SLC39A9: variants seen among roughly 807,000 people sequenced by gnomAD.
SLC39A9 encodes solute carrier family 39 member 9.
SLC39A9 carries 14 observed loss-of-function variants against 28.4 expected under a neutral mutation model. That is an observed-to-expected ratio of 0.49 (90% CI 0.33 to 0.77). The LOEUF (loss-of-function observed/expected upper bound fraction) is 0.77, where lower values mean the gene tolerates loss of function less well. SLC39A9 is among the 30% of genes least tolerant of loss of function. The pLI, the probability that SLC39A9 is intolerant of heterozygous loss-of-function variation, is 0.02. For missense variants in SLC39A9, 283 were observed against 381.1 expected (o/e 0.74, Z 2.14); for synonymous variants, 119 against 149.6 (o/e 0.80, Z 1.49).
At chr14:69,411,842 G>A (rs1883281923) in intron 1 of SLC39A9, among the ~76,000 whole-genome samples, 1 of 151,246 alleles carries the variant, frequency 6.6e-6, no homozygotes, top group Non-Finnish European at 1.5e-5. Flanking sequence ...GAGTGCAGTG[G>A]CGGGATCTCG....
At chr14:69,424,051 A>C (rs1884050777) in intron 1 of SLC39A9, 43 bp from the exon 2 acceptor site, 1 of 1,475,630 alleles carries the variant, frequency 6.8e-7, no homozygotes, top group South Asian at 1.1e-5. Flanking sequence ...TTTTCCCATT[A>C]ATTAATCAAA....
chr14:69,448,214 CAA>C (rs34195562), intron 3 of SLC39A9, among the ~76,000 whole-genome samples: 4 of 87,228 alleles, frequency 4.6e-5, no homozygotes, highest in Non-Finnish European at 8.2e-5. Flanking sequence ...GACTCTGTCT[CAA>C]AAAAAAAAAA....
rs1180234748 is a variant in SLC39A9 at position 69,460,554 on chromosome 14, G to C, written c.*1961G>C. ...AATAAATAGCAGATTGTAGTGTCTGGTTTGGTTTGGACAGTAGTGCTTTCT... is the reference window on the plus strand; with the variant it reads ...AATAAATAGCAGATTGTAGTGTCTGCTTTGGTTTGGACAGTAGTGCTTTCT... On this transcript the variant is annotated 3_prime_UTR_variant, in exon 7 of 7. Coordinates refer to ENST00000336643, the MANE Select transcript of SLC39A9 (RefSeq NM_018375.5). 1.0e-5 allele frequency: 10 copies of C among 985,312 alleles called. No individual in the cohort carries two copies. The highest frequency in any genetic ancestry group is 1.2e-5 in the Non-Finnish European group (10 of 829,942). The allele number at this position is 985,312 out of a possible 1,614,324, so 61.0% of individuals were successfully genotyped here. A position where few individuals can be genotyped will look rare whatever the true frequency, so the allele number is the denominator to read the frequency against.
At chr14:69,445,436 G>C (rs1198296373) in intron 3 of SLC39A9, among the ~76,000 whole-genome samples, 3 of 152,000 alleles carry the variant, frequency 2.0e-5, no homozygotes, top group Admixed American at 2.0e-4. Context: ...CTTTTACCTA[G>C]CTTACTTTTT....
Position 69,460,359 on chromosome 14 carries a change from A to G in SLC39A9, c.*1766A>G. On this transcript the variant is annotated 3_prime_UTR_variant, in exon 7 of 7. Transcript: ENST00000336643. ...AAATAGGATACAGTTGTATGTAGTC[A>G]TTGGCAACAATTGCATACAATTTTA... 1 of 985,506 alleles carries G rather than the reference A, an allele frequency of 1.0e-6. No homozygotes were observed. The highest frequency in any genetic ancestry group is 4.7e-5 in the South Asian group (1 of 21,290). The allele number at this position is 985,506 out of a possible 1,614,324, so 61.0% of individuals were successfully genotyped here.
chr14:69,411,211 CAAA>C (rs35337440), intron 1 of SLC39A9, among the ~76,000 whole-genome samples: 2 of 74,760 alleles, frequency 2.7e-5, no homozygotes, highest in Non-Finnish European at 2.6e-5. Flanking sequence ...GATTCCATCT[CAAA>C]AAAAAAAAAA....
At chr14:69,416,860 T>C (rs1050975369) in intron 1 of SLC39A9, among the ~76,000 whole-genome samples, 3 of 152,242 alleles carry the variant, frequency 2.0e-5, no homozygotes, top group African/African-American at 4.8e-5. Flanking sequence ...TCTTTGTAGA[T>C]TCTGGATATT....
chr14:69,440,821 G>A (rs545975754), intron 2 of SLC39A9, among the ~76,000 whole-genome samples: 18 of 152,086 alleles, frequency 1.2e-4, no homozygotes, highest in Admixed American at 3.3e-4. Context: ...TTACAGGCAC[G>A]CGCCACCGTG....
At chr14:69,458,209 C>T (rs1173309143) in intron 6 of SLC39A9, among the ~76,000 whole-genome samples, 154 bp from the exon 7 acceptor site, 1 of 152,086 alleles carries the variant, frequency 6.6e-6, no homozygotes, top group Non-Finnish European at 1.5e-5. Context: ...TGGAAGCTTC[C>T]CATGAATAAC....
rs112797187 is a variant in SLC39A9 at position 69,438,312 on chromosome 14, C to T, written c.206-3757C>T. 1.7e-3 allele frequency among the ~76,000 whole-genome samples: 257 copies of T among 152,262 alleles called. 1 individual carries two copies. Among genetic ancestry groups the T allele is most frequent in the Non-Finnish European group, 2.5e-3 (170 of 68,020 alleles). ...CTGGGATTACAGGCATGAGCCACCG[C>T]GCCTGACCCCCCTCTTTCTTTATTG... On this transcript the variant is annotated intron_variant, in intron 2 of 6. Coordinates refer to ENST00000336643, the MANE Select transcript of SLC39A9 (RefSeq NM_018375.5).
intron 3 of SLC39A9, among the ~76,000 whole-genome samples, chr14:69,447,693 C>G (rs972909615): frequency 1.3e-5 from 2 of 152,076 alleles, no homozygotes; most frequent in African/African-American, 4.8e-5. Flanking sequence ...GGGTGGATGG[C>G]TTGAGCCCAG....
intron 2 of SLC39A9, among the ~76,000 whole-genome samples, chr14:69,437,689 A>G (rs1049545212): frequency 6.6e-6 from 1 of 151,062 alleles, no homozygotes; most frequent in Non-Finnish European, 1.5e-5. Flanking sequence ...TCCCGGGTTC[A>G]AGCAGTTCTC....
chr14:69,461,048 A>C lies in SLC39A9; in HGVS notation c.*2455A>C, dbSNP rs750470893. On this transcript the variant is annotated 3_prime_UTR_variant, in exon 7 of 7. Transcript: ENST00000336643. Reference sequence around the variant, plus strand: ...TTTCAGTTCCGTTTTCCTCTTGTTTAAAACTGCCTCTTTAGATGTGGATGC... The same window carrying C: ...TTTCAGTTCCGTTTTCCTCTTGTTTCAAACTGCCTCTTTAGATGTGGATGC... 109 of 985,508 alleles carry C rather than the reference A, an allele frequency of 1.1e-4. No individual in the cohort carries two copies. Among genetic ancestry groups the C allele is most frequent in the Non-Finnish European group, 1.3e-4 (107 of 830,094 alleles). 61.0% of individuals were successfully genotyped at this position (985,508 alleles called of 1,614,324 possible). A position where few individuals can be genotyped will look rare whatever the true frequency, so the allele number is the denominator to read the frequency against.
intron 2 of SLC39A9, among the ~76,000 whole-genome samples, chr14:69,436,789 G>T (rs1223428379): frequency 6.6e-6 from 1 of 152,176 alleles, no homozygotes; most frequent in Non-Finnish European, 1.5e-5. Context: ...GAAAGACAAG[G>T]TTTCTCTATA....
intron 1 of SLC39A9, among the ~76,000 whole-genome samples, chr14:69,412,945 C>T (rs1454675443): frequency 1.3e-5 from 2 of 152,196 alleles, no homozygotes; most frequent in South Asian, 2.1e-4. Context: ...TTGATGGTCT[C>T]ATCCTACAAA....
chr14:69,447,053 A>T (rs1250935097), intron 3 of SLC39A9, among the ~76,000 whole-genome samples: 1 of 151,852 alleles, frequency 6.6e-6, no homozygotes, highest in African/African-American at 2.4e-5. Context: ...AAAAATACTC[A>T]TTTTTGCAAC....
intron 2 of SLC39A9, among the ~76,000 whole-genome samples, chr14:69,434,968 G>C (rs1442188924): frequency 6.6e-6 from 1 of 152,124 alleles, no homozygotes; most frequent in African/African-American, 2.4e-5. Context: ...AGTATGATTT[G>C]AAAACTTACA....
chr14:69,438,733 A>G (rs745310782), intron 2 of SLC39A9, among the ~76,000 whole-genome samples: 18 of 152,250 alleles, frequency 1.2e-4, no homozygotes, highest in South Asian at 2.1e-4. Flanking sequence ...AAGGTAGACT[A>G]TTGGGTCAAA....
chr14:69,442,612 G>A (rs1885102085), intron 3 of SLC39A9, among the ~76,000 whole-genome samples: 1 of 152,122 alleles, frequency 6.6e-6, no homozygotes. Context: ...ATAAAACATA[G>A]TACATAAGAT....
Sources: allele counts gnomAD v4.1 joint callset (sites outside exome capture counted in the v4.1 genomes callset), GRCh38; gene constraint gnomAD v4.1.1; transcripts MANE v1.5; gene names NCBI Gene and HGNC (gene_info 2026-07-23, HGNC 2026-07-21).